Variants in XRCC2 observed in about 807,000 individuals in gnomAD.
The protein encoded by XRCC2 is X-ray repair cross complementing 2, also known as DNA repair protein XRCC2.
A neutral mutation model predicts 27.3 loss-of-function variants in XRCC2; 24 were observed. The ratio of observed to expected loss-of-function variants is 0.88; its 90% CI spans 0.64 to 1.24. The LOEUF is 1.24. Ranked by LOEUF, XRCC2 falls within the 50% of genes most tolerant of loss-of-function variation. The pLI is 0.00. For missense variants in XRCC2, 321 were observed against 325.8 expected, an observed-to-expected ratio of 0.99 and a Z score of 0.11; for synonymous variants, 106 against 115.4, an observed-to-expected ratio of 0.92 and a Z score of 0.52.
chr7:152,657,531 TC>T (rs1398419664), intron 2 of XRCC2, among the ~76,000 whole-genome samples: 3 of 152,124 alleles, frequency 2.0e-5, no homozygotes, highest in Admixed American at 2.0e-4. Flanking sequence ...CCTCAGGTGA[TC>T]CACAGACCTC....
At chr7:152,667,427 GA>G (rs762466785) in intron 1 of XRCC2, among the ~76,000 whole-genome samples, 13,422 of 109,580 alleles carry the variant, frequency 0.12, 1,925 homozygotes, top group Middle Eastern at 0.27. Flanking sequence ...AAAAAAAAAA[GA>G]AAAAAAGTAT....
At chr7:152,654,784 T>C (rs2098030054) in intron 2 of XRCC2, among the ~76,000 whole-genome samples, 1 of 152,154 alleles carries the variant, frequency 6.6e-6, no homozygotes, top group African/African-American at 2.4e-5. Context: ...TACACATTAA[T>C]AGCAAAGCAG....
chr7:152,672,026 G>GT (rs1387151526), intron 1 of XRCC2, among the ~76,000 whole-genome samples: 1 of 152,168 alleles, frequency 6.6e-6, no homozygotes, highest in Non-Finnish European at 1.5e-5. Context: ...GGGTGACAGA[G>GT]TGAGACCCCT....
chr7:152,658,790 C>T (rs148291176), intron 2 of XRCC2, among the ~76,000 whole-genome samples: 105 of 152,320 alleles, frequency 6.9e-4, no homozygotes, highest in Non-Finnish European at 1.1e-3. Context: ...ATAATATCAA[C>T]TGCATGTATA....
rs753169131 is a variant in XRCC2 at position 152,648,958 on chromosome 7, C to T, written c.527G>A (p.Cys176Tyr). ...TACAAGCTTCTCTAAGCACTGAGAA[C>T]ATTTCCTCAGAGTAGACTCCTGTAA... The part of the protein sequence containing the change: ...VNLQESTLRK[C>Y]SQCLEKLVND... Residue 176 changes from cysteine to tyrosine, a missense_variant, in exon 3 of 3, where the codon TGT becomes TAT. Physicochemically the swap from Cys to Tyr is radical, Grantham distance 194. Transcript: ENST00000359321. 25 of 1,614,216 alleles carry T rather than the reference C, an allele frequency of 1.5e-5. No homozygotes were observed. Among genetic ancestry groups the T allele is most frequent in the Non-Finnish European group, 1.9e-5 (22 of 1,180,042 alleles).
rs763065363 is a variant in XRCC2 at position 152,649,361 on chromosome 7, C to T, written c.124G>A (p.Asp42Asn). ...FADEDSPVHG[D>N]ILEFHGPEGT... The stretch of plus-strand genomic sequence containing the variant: ...TCTGGGCCATGAAATTCAAGAATAT[C>T]ACCTGTGTAAAATTTAAAAATCTCA... Residue 42 changes from aspartate to asparagine, a missense_variant and splice_region_variant, in exon 3 of 3, where the codon GAT becomes AAT. Physicochemically the swap from Asp to Asn is conservative, Grantham distance 23. Transcript: ENST00000359321. 3 of 1,567,372 alleles carry T rather than the reference C, an allele frequency of 1.9e-6. No homozygotes were observed. The highest frequency in any genetic ancestry group is 2.7e-5 in the African/African-American group (2 of 73,058).
At chr7:152,666,965 T>C (rs553982784) in intron 1 of XRCC2, among the ~76,000 whole-genome samples, 4 of 152,178 alleles carry the variant, frequency 2.6e-5, no homozygotes, top group African/African-American at 9.6e-5. Context: ...GAAACAACTA[T>C]AAAATATCTT....
chr7:152,665,933 G>T (rs1000950309), intron 1 of XRCC2, among the ~76,000 whole-genome samples: 3 of 152,124 alleles, frequency 2.0e-5, no homozygotes, highest in Admixed American at 2.0e-4. Flanking sequence ...CTTTCTCTGA[G>T]AGGATGGATG....
rs895053472 is a variant in XRCC2 at position 152,644,916 on chromosome 7, C to G, written c.*3726G>C. 9 of 152,206 alleles carry G rather than the reference C, an allele frequency of 5.9e-5. No individual in the cohort carries two copies. The East Asian group carries it at 1.5e-3, about 26-fold the overall frequency. 9.4% of individuals were successfully genotyped at this position (152,206 alleles called of 1,614,324 possible). The stretch of plus-strand genomic sequence containing the variant: ...CGTTCTCAACAGTTAGCCGAAGATT[C>G]ATTCGATGAGTCCGATTTTTCTGAA... On this transcript the variant is annotated 3_prime_UTR_variant, in exon 3 of 3. Transcript: ENST00000359321.
chr7:152,674,147 C>T (rs1036211711), intron 1 of XRCC2, among the ~76,000 whole-genome samples: 1 of 152,148 alleles, frequency 6.6e-6, no homozygotes, highest in Non-Finnish European at 1.5e-5. Flanking sequence ...CACTCCACTC[C>T]AGAGTAGTAT....
intron 1 of XRCC2, among the ~76,000 whole-genome samples, chr7:152,664,396 A>C (rs141805295): frequency 6.0e-4 from 92 of 152,280 alleles, no homozygotes; most frequent in African/African-American, 2.0e-3. Flanking sequence ...GGAGGACACG[A>C]GCATCATCAG....
chr7:152,670,833 C>T lies in XRCC2; in HGVS notation c.39+5208G>A, dbSNP rs573995410. Among the ~76,000 whole-genome samples, 4 of 152,142 alleles carry T rather than the reference C, an allele frequency of 2.6e-5. No homozygotes were observed. In the South Asian group the frequency reaches 8.3e-4, roughly 32 times the overall value. On this transcript the variant is annotated intron_variant, in intron 1 of 2. Coordinates refer to ENST00000359321, the MANE Select transcript of XRCC2 (RefSeq NM_005431.2). ...AGGCTGGTCTCGAACTCAGGTAATC[C>T]GCCCACCTCAGCCTCCCAAAGTGCT...
chr7:152,673,157 C>T (rs1485547139), intron 1 of XRCC2, among the ~76,000 whole-genome samples: 2 of 152,248 alleles, frequency 1.3e-5, no homozygotes, highest in Admixed American at 1.3e-4. Context: ...TTACCATAAA[C>T]TTCATCCCTA....
At chr7:152,674,298 C>G (rs2098039404) in intron 1 of XRCC2, among the ~76,000 whole-genome samples, 1 of 152,100 alleles carries the variant, frequency 6.6e-6, no homozygotes, top group Admixed American at 6.6e-5. Flanking sequence ...CGGACCTTAA[C>G]CTGGGTTTCA....
intron 1 of XRCC2, among the ~76,000 whole-genome samples, chr7:152,666,118 ATG>A (rs1231998175): frequency 1.3e-5 from 2 of 152,352 alleles, no homozygotes; most frequent in Middle Eastern, 3.4e-3. Flanking sequence ...AAAATATTCA[ATG>A]TGTGTGTCAC....
At chr7:152,671,446 C>CA (rs769238195) in intron 1 of XRCC2, among the ~76,000 whole-genome samples, 2 of 151,968 alleles carry the variant, frequency 1.3e-5, no homozygotes, top group Admixed American at 6.6e-5. Context: ...AAAATAAACT[C>CA]AAAAAAGAGG....
chr7:152,652,708 G>A (rs2098029046), intron 2 of XRCC2, among the ~76,000 whole-genome samples: 1 of 152,184 alleles, frequency 6.6e-6, no homozygotes, highest in African/African-American at 2.4e-5. Flanking sequence ...TTCTGAATGT[G>A]CTTCATCAGT....
intron 2 of XRCC2, among the ~76,000 whole-genome samples, chr7:152,658,887 T>C (rs1013900788): frequency 1.3e-5 from 2 of 152,252 alleles, no homozygotes; most frequent in Non-Finnish European, 2.9e-5. Context: ...GACATTTAGG[T>C]TGGTTTTACC....
At chr7:152,670,388 A>C (rs2098037673) in intron 1 of XRCC2, among the ~76,000 whole-genome samples, 1 of 152,212 alleles carries the variant, frequency 6.6e-6, no homozygotes, top group Non-Finnish European at 1.5e-5. Flanking sequence ...AACTACAGGC[A>C]AACAAGGCAT....
Sources: allele counts gnomAD v4.1 joint callset (sites outside exome capture counted in the v4.1 genomes callset), GRCh38; gene constraint gnomAD v4.1.1; transcripts MANE v1.5; gene names NCBI Gene and HGNC (gene_info 2026-07-23, HGNC 2026-07-21).